Variants in TTBK1 observed in about 807,000 individuals in gnomAD.
TTBK1 encodes the protein tau tubulin kinase 1, also known as tau-tubulin kinase 1.
Under a neutral mutation model 108.5 loss-of-function variants are expected in TTBK1, and 34 were observed. The ratio of observed to expected loss-of-function variants is 0.31; its 90% CI spans 0.24 to 0.42. The LOEUF is 0.42. Among genes scored for constraint, TTBK1 ranks in the 10% least tolerant of loss-of-function variants. The pLI is 1.00. For missense variants in TTBK1, 1,539 were observed against 1,826.0 expected, an observed-to-expected ratio of 0.84 and a Z score of 2.86; for synonymous variants, 809 against 795.1, an observed-to-expected ratio of 1.02 and a Z score of -0.29.
At chr6:43,252,634 A>G in intron 2 of TTBK1, 105 bp from the exon 3 acceptor site, 1 of 1,324,468 alleles carries the variant, frequency 7.6e-7, no homozygotes, top group Non-Finnish European at 1.0e-6. Context: ...AAAAAAAAAA[A>G]GATACCCCCC....
At chr6:43,284,901 G>C in intron 14 of TTBK1, 82 bp from the exon 15 acceptor site, 1 of 1,432,876 alleles carries the variant, frequency 7.0e-7, no homozygotes, top group Non-Finnish European at 9.1e-7. Flanking sequence ...CCAGTGCTCA[G>C]TGCCCAGGAG....
chr6:43,264,423 A>G (rs1777625226), intron 13 of TTBK1, among the ~76,000 whole-genome samples: 1 of 152,118 alleles, frequency 6.6e-6, no homozygotes, highest in South Asian at 2.1e-4. Context: ...TAATAACTTC[A>G]TGGAATCTAA....
chr6:43,256,256 C>T (rs1242428709), intron 9 of TTBK1, among the ~76,000 whole-genome samples: 6 of 152,082 alleles, frequency 3.9e-5, no homozygotes, highest in Non-Finnish European at 5.9e-5. Flanking sequence ...CTGCCTCAGC[C>T]TCCCGAGTAG....
chr6:43,253,885 C>T lies in TTBK1; in HGVS notation c.471+177C>T, dbSNP rs1473268269. ...AGGCCCCATCTCTTCCTCTCCCGTG[C>T]TCCCCAGGAGCATGCACCCCTGCCT... is the stretch of plus-strand genomic sequence containing the variant. On this transcript the variant is annotated intron_variant, in intron 5 of 14. Transcript: ENST00000259750. The surrounding 1 kb of genome is among the most constrained non-coding windows in gnomAD (Gnocchi z 5.8). 6.6e-6 allele frequency among the ~76,000 whole-genome samples: 1 copy of T among 152,202 alleles called. No individual in the cohort carries two copies. Among genetic ancestry groups the T allele is most frequent in the Non-Finnish European group, 1.5e-5 (1 of 68,032 alleles).
At chr6:43,250,445 C>T (rs1246000041) in intron 2 of TTBK1, among the ~76,000 whole-genome samples, 1 of 150,842 alleles carries the variant, frequency 6.6e-6, no homozygotes, top group African/African-American at 2.4e-5. Flanking sequence ...CAGCCTCCGC[C>T]TCCCGGGTTC....
intron 13 of TTBK1, among the ~76,000 whole-genome samples, chr6:43,275,872 C>G (rs148684513): frequency 6.6e-6 from 1 of 152,134 alleles, no homozygotes; most frequent in Non-Finnish European, 1.5e-5. Context: ...CCCCGCTCCC[C>G]GCTCGGAGGG....
rs1431598554 is a variant in TTBK1, at chr6:43,282,917, A to G, written c.2177A>G (p.Gln726Arg). The part of the protein sequence containing the change: ...TTPQVPLAPV[Q>R]PQANGKEEEE... ...CCCCAGGTCCCACTGGCTCCTGTTC[A>G]GCCTCAGGCTAATGGGAAGGAGGAA... The change falls in exon 14 of 15, where the codon CAG becomes CGG. Residue 726 changes from glutamine (Q) to arginine (R), a missense_variant. Transcript: ENST00000259750. This position sits in a 1 kb window ranked among gnomAD's most constrained non-coding sequence, Gnocchi z 5.4. 77 of 1,613,790 alleles carry G rather than the reference A, an allele frequency of 4.8e-5. No individual in the cohort carries two copies. The highest frequency in any genetic ancestry group is 6.4e-5 in the Non-Finnish European group (75 of 1,179,938).
Position 43,283,964 on chromosome 6 carries a change from C to T in TTBK1, c.3224C>T (p.Ala1075Val), listed in dbSNP as rs1263057617. ...TGSEPSGSLS[A>V]KERWSKRARP... ...TCGGAGCCCTCAGGCTCACTGTCGG[C>T]CAAAGAGCGGTGGAGCAAGCGGGCT... The change falls in exon 14 of 15, where the codon GCC (alanine) becomes GTC (valine). Residue 1075 changes from alanine to valine, a missense_variant. Ala to Val is a moderately conservative substitution (Grantham distance 64). This residue lies in a region of TTBK1 where 1,055 missense variants were observed against 1,086.5 expected (regional missense o/e 0.97). Coordinates refer to ENST00000259750, the MANE Select transcript of TTBK1 (RefSeq NM_032538.3). This position sits in a 1 kb window ranked among gnomAD's most constrained non-coding sequence, Gnocchi z 8.1. The T allele has an allele frequency of 1.2e-6, 2 of 1,612,164 alleles. No individual in the cohort carries two copies.
intron 10 of TTBK1, 72 bp from the exon 11 acceptor site, chr6:43,258,966 G>A (rs1031947809): frequency 4.2e-6 from 5 of 1,194,376 alleles, no homozygotes; most frequent in African/African-American, 3.0e-5. Context: ...GGTCTGTGCT[G>A]GTAGGAGAGG....
In TTBK1 at chr6:43,282,630, G is replaced by T. The variant is rs918626060; in HGVS notation, c.1987-97G>T. On this transcript the variant is annotated intron_variant, in intron 13 of 14. Coordinates refer to ENST00000259750, the MANE Select transcript of TTBK1 (RefSeq NM_032538.3). This position sits in a 1 kb window ranked among gnomAD's most constrained non-coding sequence, Gnocchi z 5.4. ...GAGCTCACACTCTGGTAGACGACCT[G>T]GGCCTGTGAGTCTCCTAGGTTGTGG... The T allele has an allele frequency of 1.1e-5, 11 of 1,014,160 alleles. No homozygotes were observed. In the African/African-American group the frequency reaches 1.8e-4, roughly 16 times the overall value. The allele number at this position is 1,014,160 out of a possible 1,614,324, so 62.8% of individuals were successfully genotyped here. A position where few individuals can be genotyped will look rare whatever the true frequency, so the allele number is the denominator to read the frequency against.
rs1198759322 is a variant in TTBK1 at position 43,273,034 on chromosome 6, CTTA to C, written c.1987-9688_1987-9686del. ...ATTTAATAGCCACTGGCACACAGTG[CTTA>C]TTATGTGCCAGGCAGCGATCTAAGC... On this transcript the variant is annotated intron_variant, in intron 13 of 14. Transcript: ENST00000259750. The surrounding 1 kb of genome is among the most constrained non-coding windows in gnomAD (Gnocchi z 4.2). 2.0e-5 allele frequency among the ~76,000 whole-genome samples: 3 copies of C among 152,194 alleles called. No individual in the cohort carries two copies. The highest frequency in any genetic ancestry group is 7.2e-5 in the African/African-American group (3 of 41,436).
intron 13 of TTBK1, chr6:43,270,867 A>T: frequency 1.0e-6 from 1 of 985,492 alleles, no homozygotes; most frequent in Non-Finnish European, 1.2e-6. Context: ...CTCAGGACAA[A>T]TCCCAGGCGG....
Position 43,255,560 on chromosome 6 carries a change from C to G in TTBK1, c.651C>G (p.Gly217=). The G allele has an allele frequency of 6.2e-7, 1 of 1,605,180 alleles. No individual in the cohort carries two copies. The highest frequency in any genetic ancestry group is 8.5e-7 in the Non-Finnish European group (1 of 1,175,936). Residue 217 remains glycine, a synonymous_variant, in exon 8 of 15, where the codon GGC becomes GGG. Transcript: ENST00000259750. ...SVNAHKNREM[G]RHDDLWSLFY... ...CCTCCCCCCACCTCCAGGAGATGGG[C>G]CGCCACGACGACCTGTGGTCCCTCT...
At position 43,263,802 on chromosome 6, in the gene TTBK1, G is replaced by T. The variant is rs1777609236; in HGVS notation, c.1986+452G>T. Among the ~76,000 whole-genome samples, 2 of 152,188 alleles carry T rather than the reference G, an allele frequency of 1.3e-5. No individual in the cohort carries two copies. The highest frequency in any genetic ancestry group is 6.5e-5 in the Admixed American group (1 of 15,280). On this transcript the variant is annotated intron_variant, in intron 13 of 14. Coordinates refer to ENST00000259750, the MANE Select transcript of TTBK1 (RefSeq NM_032538.3). This position sits in a 1 kb window ranked among gnomAD's most constrained non-coding sequence, Gnocchi z 4.7. ...TGAGCCACTGAAGGCTTTTAAACAG[G>T]AGTGCAATATGATTACATTGGTACT...
In TTBK1 at chr6:43,253,602, C is replaced by T. The variant is rs977045945; in HGVS notation, c.365C>T (p.Pro122Leu). Reference sequence around the variant, plus strand: ...CTGGCCGACCTGCGCCGTAGCCAGCCGCGAGGCACCTTCACGCTGAGCACC... The same window carrying T: ...CTGGCCGACCTGCGCCGTAGCCAGCTGCGAGGCACCTTCACGCTGAGCACC... ...RNLADLRRSQ[P>L]RGTFTLSTTL... Residue 122 changes from proline (P) to leucine (L), a missense_variant, in exon 5 of 15, where the codon CCG (proline) becomes CTG (leucine). Around this residue, in one of 5 missense-constraint regions of TTBK1, gnomAD observed 155 missense variants for 348.5 expected, o/e 0.44. Coordinates refer to ENST00000259750, the MANE Select transcript of TTBK1 (RefSeq NM_032538.3). The surrounding 1 kb of genome is among the most constrained non-coding windows in gnomAD (Gnocchi z 5.8). The T allele has an allele frequency of 2.5e-6, 4 of 1,612,750 alleles. No homozygotes were observed. The highest frequency in any genetic ancestry group is 3.4e-6 in the Non-Finnish European group (4 of 1,179,584).
At chr6:43,275,489 G>C (rs1000591287) in intron 13 of TTBK1, among the ~76,000 whole-genome samples, 2 of 152,054 alleles carry the variant, frequency 1.3e-5, no homozygotes, top group South Asian at 4.1e-4. Flanking sequence ...GCCAGGCTGG[G>C]GTGCGGATGG....
chr6:43,285,245 G>A lies in TTBK1; in HGVS notation c.3835G>A (p.Ala1279Thr), dbSNP rs1381147460. 22 of 1,301,430 alleles carry A rather than the reference G, an allele frequency of 1.7e-5. No homozygotes were observed. Among genetic ancestry groups the A allele is most frequent in the Non-Finnish European group, 2.1e-5 (22 of 1,029,632 alleles). The allele number at this position is 1,301,430 out of a possible 1,614,324, so 80.6% of individuals were successfully genotyped here. Residue 1279 changes from alanine (A) to threonine (T), a missense_variant, in exon 15 of 15, where the codon GCC becomes ACC. Around this residue, in one of 5 missense-constraint regions of TTBK1, gnomAD observed 1,055 missense variants for 1,086.5 expected, o/e 0.97. Coordinates refer to ENST00000259750, the MANE Select transcript of TTBK1 (RefSeq NM_032538.3). This position sits in a 1 kb window ranked among gnomAD's most constrained non-coding sequence, Gnocchi z 4.7. ...GVPPPRGVPPARAQPDGTPSP... is the reference protein window; with the variant it reads ...GVPPPRGVPPTRAQPDGTPSP... ...CCCCCCGCCCCGGGGCGTCCCGCCG[G>A]CCCGGGCCCAGCCTGATGGCACCCC... is the stretch of plus-strand genomic sequence containing the variant.
chr6:43,252,907 G>A, intron 3 of TTBK1, 21 bp downstream of exon 3: 2 of 1,612,040 alleles, frequency 1.2e-6, no homozygotes, highest in African/African-American at 1.3e-5. Context: ...CGGGCAGGGG[G>A]ATGGGAAGGA....
At chr6:43,272,337 A>T in intron 13 of TTBK1, 1 of 985,474 alleles carries the variant, frequency 1.0e-6, no homozygotes, top group South Asian at 4.7e-5. Flanking sequence ...AAGATCCCAA[A>T]GTGCCTTGTG....
Sources: allele counts gnomAD v4.1 joint callset (sites outside exome capture counted in the v4.1 genomes callset), GRCh38; gene constraint gnomAD v4.1.1; regional missense constraint gnomAD v4.1.1; non-coding constraint Gnocchi (gnomAD v3.1); transcripts MANE v1.5; gene names NCBI Gene and HGNC (gene_info 2026-07-23, HGNC 2026-07-21).